The following HS6ST2 variants were observed in gnomAD, a reference collection of about 807,000 sequenced individuals.
HS6ST2 encodes the protein heparan sulfate 6-O-sulfotransferase 2.
Under a neutral mutation model 33.0 loss-of-function variants are expected in HS6ST2, and 17 were observed. That is an observed-to-expected ratio of 0.52 (90% CI 0.35 to 0.77). The LOEUF is 0.77. Ranked by LOEUF, HS6ST2 falls within the 30% of genes least tolerant of loss-of-function variation. The probability of loss-of-function intolerance (pLI) is 0.01; values close to 1 mark genes in which losing one functional copy is unlikely to be tolerated. For synonymous variants in HS6ST2, 248 were observed against 237.1 expected, an observed-to-expected ratio of 1.05 and a Z score of -0.42; for missense variants, 519 against 551.7, an observed-to-expected ratio of 0.94 and a Z score of 0.59.
intron 2 of HS6ST2, among the ~76,000 whole-genome samples, chrX:132,801,636 T>C (rs1369172046): frequency 2.7e-5 from 3 of 111,398 alleles, no homozygotes; most frequent in Non-Finnish European, 3.8e-5. Context: ...CAGCTTAGAA[T>C]GGCCTTCTCT....
At chrX:132,852,037 G>A (rs1239571715) in intron 2 of HS6ST2, among the ~76,000 whole-genome samples, 1 of 111,382 alleles carries the variant, frequency 9.0e-6, no homozygotes. Context: ...AAATATTCCA[G>A]AGGCTGAGGA....
chrX:132,752,030 C>A (rs756423654), intron 2 of HS6ST2, among the ~76,000 whole-genome samples: 2 of 112,047 alleles, frequency 1.8e-5, no homozygotes, highest in South Asian at 7.5e-4. Context: ...ATGACTTGCC[C>A]AGGTCACACA....
intron 2 of HS6ST2, among the ~76,000 whole-genome samples, chrX:132,760,468 C>G (rs1214279049): frequency 1.8e-5 from 2 of 111,566 alleles, no homozygotes; most frequent in African/African-American, 6.5e-5. Flanking sequence ...ATTTGCTTCC[C>G]CTTCCACCAT....
At chrX:132,748,599 T>C (rs1337987709) in intron 2 of HS6ST2, among the ~76,000 whole-genome samples, 1 of 111,295 alleles carries the variant, frequency 9.0e-6, no homozygotes, top group Non-Finnish European at 1.9e-5. Flanking sequence ...AAAACCTTTC[T>C]ACAGCCAGAT....
At chrX:132,660,110 A>T (rs2063760385) in intron 4 of HS6ST2, among the ~76,000 whole-genome samples, 1 of 111,398 alleles carries the variant, frequency 9.0e-6, no homozygotes, top group African/African-American at 3.3e-5. Context: ...TTAAAATAAT[A>T]CGTCTTTTAC....
intron 2 of HS6ST2, among the ~76,000 whole-genome samples, chrX:132,784,249 A>G (rs753247144): frequency 3.2e-4 from 36 of 111,889 alleles, no homozygotes; most frequent in Non-Finnish European, 6.2e-4. Flanking sequence ...CTTACTTAAG[A>G]CTGAATGAAT....
Position 132,758,618 on chromosome X carries a change from C to T in HS6ST2, c.948-50124G>A, listed in dbSNP as rs774861193. On this transcript the variant is annotated intron_variant, in intron 2 of 4. Coordinates refer to ENST00000370833, the MANE Select transcript of HS6ST2 (RefSeq NM_001394073.1). ...CACAGAAGCAGAAAACCTGCCTCAA[C>T]ATTGATTGCCAAGTAGCCTGCAGAG... is the stretch of plus-strand genomic sequence containing the variant. 2.7e-5 allele frequency among the ~76,000 whole-genome samples: 3 copies of T among 111,846 alleles called. No homozygotes were observed. The Admixed American group carries it at 2.8e-4, about 11-fold the overall frequency.
At chrX:132,724,137 A>AAAAAGAAAAGAAAAG (rs200784395) in intron 2 of HS6ST2, among the ~76,000 whole-genome samples, 88 of 104,064 alleles carry the variant, frequency 8.5e-4, no homozygotes, top group African/African-American at 2.7e-3. Context: ...ACTCCATTTC[A>AAAAAGAAAAGAAAAG]AAAAGAAAAG....
At chrX:132,922,229 C>A (rs901227078) in intron 2 of HS6ST2, among the ~76,000 whole-genome samples, 3 of 111,489 alleles carry the variant, frequency 2.7e-5, no homozygotes, top group African/African-American at 9.8e-5. Context: ...GGTGAAACCC[C>A]GTCTCTACTA....
intron 4 of HS6ST2, among the ~76,000 whole-genome samples, chrX:132,649,439 AG>A (rs1386180760): frequency 8.9e-6 from 1 of 112,445 alleles, no homozygotes; most frequent in African/African-American, 3.2e-5. Context: ...TTATTGCCAC[AG>A]GGAGCCAGAG....
intron 2 of HS6ST2, among the ~76,000 whole-genome samples, chrX:132,720,691 T>C (rs763816366): frequency 2.3e-3 from 237 of 102,373 alleles, no homozygotes; most frequent in African/African-American, 7.6e-3. Context: ...ATTGCACTTA[T>C]AAAGACACAA....
chrX:132,823,526 AT>A (rs1355393664), intron 2 of HS6ST2, among the ~76,000 whole-genome samples: 2 of 109,199 alleles, frequency 1.8e-5, no homozygotes, highest in African/African-American at 6.7e-5. Context: ...GAACAAATGA[AT>A]TTTGGTTTTT....
intron 2 of HS6ST2, among the ~76,000 whole-genome samples, chrX:132,764,386 G>A (rs745318384): frequency 2.4e-4 from 27 of 111,970 alleles, no homozygotes; most frequent in Admixed American, 6.6e-4. Context: ...TGACATTTTG[G>A]TAACACTAAC....
At chrX:132,794,574 G>GATGATGATT (rs916088563) in intron 2 of HS6ST2, among the ~76,000 whole-genome samples, 53 of 99,068 alleles carry the variant, frequency 5.3e-4, no homozygotes, top group East Asian at 2.6e-3. Context: ...TGATGATGAT[G>GATGATGATT]ATTATTATTA....
chrX:132,915,482 G>A (rs1177073769), intron 2 of HS6ST2, among the ~76,000 whole-genome samples: 3 of 111,549 alleles, frequency 2.7e-5, no homozygotes, highest in African/African-American at 6.5e-5. Context: ...CAGGACCCAC[G>A]GATGGTCTTC....
intron 4 of HS6ST2, among the ~76,000 whole-genome samples, chrX:132,655,260 T>C (rs1187433385): frequency 8.9e-6 from 1 of 112,101 alleles, no homozygotes; most frequent in African/African-American, 3.2e-5. Context: ...GCTAAATAGA[T>C]GCTGTTCAGA....
At chrX:132,633,218 G>A (rs993592514) in intron 4 of HS6ST2, among the ~76,000 whole-genome samples, 1 of 110,414 alleles carries the variant, frequency 9.1e-6, no homozygotes, top group Non-Finnish European at 1.9e-5. Context: ...GGGGAGTGAA[G>A]GAGTAGTGGC....
chrX:132,827,941 GAAC>G (rs1383818458), intron 2 of HS6ST2, among the ~76,000 whole-genome samples: 2 of 111,695 alleles, frequency 1.8e-5, no homozygotes, highest in Non-Finnish European at 3.8e-5. Context: ...TCATCAAAAT[GAAC>G]AACAAAATGA....
chrX:132,919,877 T>C (rs2066633201), intron 2 of HS6ST2, among the ~76,000 whole-genome samples: 1 of 112,203 alleles, frequency 8.9e-6, no homozygotes, highest in African/African-American at 3.2e-5. Context: ...CCCTTTAAGA[T>C]TTCATTTGAT....
Sources: gnomAD v4.1 joint callset for allele counts (sites outside exome capture counted in the v4.1 genomes callset) on GRCh38, gnomAD v4.1.1 for gene constraint, MANE v1.5 for transcripts, NCBI Gene and HGNC (gene_info 2026-07-23, HGNC 2026-07-21) for gene names.